FRYL: variants seen among roughly 807,000 people sequenced by gnomAD.
The protein encoded by FRYL is protein furry homolog-like.
A neutral mutation model predicts 351.2 loss-of-function variants in FRYL; 150 were observed. The observed-to-expected ratio is 0.43, with a 90% CI of 0.37 to 0.49. The LOEUF (loss-of-function observed/expected upper bound fraction) is 0.49, where lower values mean the gene tolerates loss of function less well. Among genes scored for constraint, FRYL ranks in the 20% least tolerant of loss-of-function variants. The pLI is 0.00. For missense variants in FRYL, 3,036 were observed against 3,619.3 expected (o/e 0.84, Z 4.13); for synonymous variants, 1,153 against 1,257.1 (o/e 0.92, Z 1.75).
At chr4:48,620,557 T>C in intron 6 of FRYL, 82 bp downstream of exon 6, 2 of 1,409,446 alleles carry the variant, frequency 1.4e-6, no homozygotes, top group Non-Finnish European at 1.9e-6. Flanking sequence ...AATCAAACAA[T>C]AACAACCTTC....
Position 48,542,207 on chromosome 4 carries a change from AC to A in FRYL, c.5593-87del, listed in dbSNP as rs977039785. 6.7e-6 allele frequency: 6 copies of A among 889,384 alleles called. No homozygotes were observed. In the Admixed American group the frequency reaches 1.2e-4, roughly 18 times the overall value. The allele number at this position is 889,384 out of a possible 1,614,324, so 55.1% of individuals were successfully genotyped here. On this transcript the variant is annotated intron_variant, in intron 44 of 63. Transcript: ENST00000358350. ...CTTCCTAATGGGATTTTAAAATAGAACAAACTCCATGTTATGTTACAAAATG... is the reference window on the plus strand; with the variant it reads ...CTTCCTAATGGGATTTTAAAATAGAAAAACTCCATGTTATGTTACAAAATG...
At chr4:48,653,338 A>G (rs956060658) in intron 3 of FRYL, among the ~76,000 whole-genome samples, 11 of 152,210 alleles carry the variant, frequency 7.2e-5, no homozygotes, top group Admixed American at 3.3e-4. Flanking sequence ...TTCTGTGCTA[A>G]CAGAAGTGTG....
intron 1 of FRYL, among the ~76,000 whole-genome samples, chr4:48,739,349 C>T (rs1578884483): frequency 1.5e-5 from 2 of 135,044 alleles, no homozygotes; most frequent in South Asian, 2.4e-4. Flanking sequence ...AGAAGTGAGC[C>T]AAGATTGTGC....
rs1347247019 is a variant in FRYL, at chr4:48,544,144, A to G, written c.5402-147T>C. The G allele has an allele frequency of 7.5e-5, 49 of 651,200 alleles. No homozygotes were observed. The East Asian group carries it at 1.4e-3, about 18-fold the overall frequency. 40.3% of individuals were successfully genotyped at this position (651,200 alleles called of 1,614,324 possible). A position where few individuals can be genotyped will look rare whatever the true frequency, so the allele number is the denominator to read the frequency against. ...AAGTCAATGCTTTTTCTTTGCTTAA[A>G]CTCCATTTGCATTTTAGATGACCCT... On this transcript the variant is annotated intron_variant, in intron 43 of 63. Coordinates refer to ENST00000358350, the MANE Select transcript of FRYL (RefSeq NM_015030.2).
intron 2 of FRYL, among the ~76,000 whole-genome samples, chr4:48,691,661 C>T (rs1181781833): frequency 6.6e-6 from 1 of 152,018 alleles, no homozygotes; most frequent in Admixed American, 6.6e-5. Context: ...TAACTTATAC[C>T]ACAAATGCTG....
chr4:48,648,372 T>C (rs1281947132), intron 3 of FRYL, among the ~76,000 whole-genome samples: 1 of 152,196 alleles, frequency 6.6e-6, no homozygotes, highest in Non-Finnish European at 1.5e-5. Flanking sequence ...ATGCTCTCCA[T>C]AGCTCTCTGC....
intron 3 of FRYL, among the ~76,000 whole-genome samples, chr4:48,639,094 T>A (rs1297615078): frequency 6.6e-6 from 1 of 151,868 alleles, no homozygotes; most frequent in African/African-American, 2.4e-5. Flanking sequence ...ATCCCAGAAC[T>A]TAAAGTATAA....
intron 25 of FRYL, 37 bp from the exon 26 acceptor site, chr4:48,573,280 C>T (rs745917437): frequency 1.5e-6 from 2 of 1,331,564 alleles, no homozygotes; most frequent in Non-Finnish European, 2.2e-6. Flanking sequence ...TTAATAGCTA[C>T]ACAGATATAA....
intron 14 of FRYL, 40 bp from the exon 15 acceptor site, chr4:48,595,738 T>C (rs771762667): frequency 1.5e-6 from 2 of 1,360,056 alleles, no homozygotes; most frequent in Non-Finnish European, 2.1e-6. Context: ...GATCATAACA[T>C]CAACAGCATA....
intron 3 of FRYL, among the ~76,000 whole-genome samples, chr4:48,654,225 T>G (rs1047192606): frequency 1.0e-4 from 15 of 148,722 alleles, no homozygotes; most frequent in African/African-American, 3.5e-4. Context: ...CTAAGAGCCT[T>G]AGAAATTTTT....
intron 1 of FRYL, among the ~76,000 whole-genome samples, chr4:48,776,678 T>C (rs1335176159): frequency 6.6e-6 from 1 of 152,120 alleles, no homozygotes; most frequent in Non-Finnish European, 1.5e-5. Context: ...GCAGACAAGG[T>C]GACATCTGAG....
At chr4:48,724,190 C>T (rs1769818666) in intron 1 of FRYL, among the ~76,000 whole-genome samples, 1 of 151,892 alleles carries the variant, frequency 6.6e-6, no homozygotes, top group Non-Finnish European at 1.5e-5. Flanking sequence ...GTATTCACTC[C>T]ACCAATACTC....
At chr4:48,545,913 T>C (rs746981495) in intron 42 of FRYL, among the ~76,000 whole-genome samples, 154 bp downstream of exon 42, 3 of 152,224 alleles carry the variant, frequency 2.0e-5, no homozygotes, top group Non-Finnish European at 1.5e-5. Flanking sequence ...GAGTCTTTGA[T>C]TGCATCCTAA....
rs1318181170 is a variant in FRYL, at chr4:48,567,378, G to A, written c.3039C>T (p.Asn1013=). 3 of 1,607,990 alleles carry A rather than the reference G, an allele frequency of 1.9e-6. No homozygotes were observed. The highest frequency in any genetic ancestry group is 2.7e-5 in the African/African-American group (2 of 74,664). ...TTAAATCTACATATTCCAATAAAGTGTTGTTGAGAAAATGTGTTTCATTAT... is the reference window on the plus strand; with the variant it reads ...TTAAATCTACATATTCCAATAAAGTATTGTTGAGAAAATGTGTTTCATTAT... The part of the protein sequence containing the change: ...GLDNETHFLN[N]TLLEYVDLTR... Residue 1013 remains asparagine, a synonymous_variant, in exon 28 of 64, where the codon AAC becomes AAT. Coordinates refer to ENST00000358350, the MANE Select transcript of FRYL (RefSeq NM_015030.2). This position sits in a 1 kb window ranked among gnomAD's most constrained non-coding sequence, Gnocchi z 4.2.
At chr4:48,685,476 T>C (rs1765055849) in intron 2 of FRYL, among the ~76,000 whole-genome samples, 2 of 152,192 alleles carry the variant, frequency 1.3e-5, no homozygotes, top group South Asian at 2.1e-4. Context: ...AATTATTCAA[T>C]AATACATTAT....
chr4:48,744,152 A>AGG (rs1286317808), intron 1 of FRYL, among the ~76,000 whole-genome samples: 5 of 152,034 alleles, frequency 3.3e-5, no homozygotes, highest in Non-Finnish European at 7.4e-5. Flanking sequence ...TTAGTAGGGG[A>AGG]GGGGGGTGAT....
At chr4:48,730,081 A>G (rs1278395072) in intron 1 of FRYL, among the ~76,000 whole-genome samples, 1 of 152,224 alleles carries the variant, frequency 6.6e-6, no homozygotes. Flanking sequence ...GAACTTCATG[A>G]AGCATACACA....
intron 7 of FRYL, among the ~76,000 whole-genome samples, chr4:48,612,498 G>GTGTGTGTGTT (rs1491438123): frequency 1.1e-3 from 1 of 952 alleles, no homozygotes; most frequent in Non-Finnish European, 0.019. Context: ...GTGTGTGCAC[G>GTGTGTGTGTT]TGTGTGTGTG....
intron 3 of FRYL, among the ~76,000 whole-genome samples, chr4:48,663,653 T>C (rs1359229841): frequency 6.6e-6 from 1 of 150,880 alleles, no homozygotes; most frequent in Non-Finnish European, 1.5e-5. Flanking sequence ...CGGGCGCCTG[T>C]AGTCCCAGCT....
Sources: gnomAD v4.1 joint callset for allele counts (sites outside exome capture counted in the v4.1 genomes callset) on GRCh38, gnomAD v4.1.1 for gene constraint, Gnocchi (gnomAD v3.1) non-coding constraint, MANE v1.5 for transcripts, NCBI Gene and HGNC (gene_info 2026-07-23, HGNC 2026-07-21) for gene names.